Variants in NKAIN3 observed in about 807,000 individuals in gnomAD.
NKAIN3 encodes the protein sodium/potassium transporting ATPase interacting 3, also known as sodium/potassium-transporting ATPase subunit beta-1-interacting protein 3.
A neutral mutation model predicts 30.2 loss-of-function variants in NKAIN3; 25 were observed. The ratio of observed to expected loss-of-function variants is 0.83; its 90% CI spans 0.60 to 1.16. The LOEUF (loss-of-function observed/expected upper bound fraction) is 1.16, where lower values mean the gene tolerates loss of function less well. Ranked by LOEUF, NKAIN3 falls within the 50% of genes most tolerant of loss-of-function variation. NKAIN3 has a pLI of 0.00. For synonymous variants in NKAIN3, 91 were observed against 89.6 expected, an observed-to-expected ratio of 1.02 and a Z score of -0.09; for missense variants, 225 against 254.1, an observed-to-expected ratio of 0.89 and a Z score of 0.78.
At chr8:62,671,000 A>G (rs1371524211) in intron 3 of NKAIN3, among the ~76,000 whole-genome samples, 2 of 152,158 alleles carry the variant, frequency 1.3e-5, no homozygotes, top group African/African-American at 4.8e-5. Context: ...GTGTGAAAAA[A>G]TAGTGGCATG....
intron 4 of NKAIN3, among the ~76,000 whole-genome samples, chr8:62,874,722 A>T (rs1820743120): frequency 6.6e-6 from 1 of 152,216 alleles, no homozygotes; most frequent in Admixed American, 6.5e-5. Context: ...AAACCACATG[A>T]TTATCTCAAT....
chr8:62,603,845 T>G (rs558663603), intron 3 of NKAIN3, among the ~76,000 whole-genome samples: 1 of 152,166 alleles, frequency 6.6e-6, no homozygotes, highest in Non-Finnish European at 1.5e-5. Context: ...GAAGATTAAA[T>G]CAAATATATG....
intron 1 of NKAIN3, among the ~76,000 whole-genome samples, chr8:62,410,400 A>T (rs183305771): frequency 8.4e-4 from 128 of 152,308 alleles, no homozygotes; most frequent in African/African-American, 2.8e-3. Context: ...TGCTATTGTG[A>T]ATAACAAGGC....
At chr8:62,817,095 G>T (rs1393403138) in intron 4 of NKAIN3, among the ~76,000 whole-genome samples, 1 of 152,152 alleles carries the variant, frequency 6.6e-6, no homozygotes, top group African/African-American at 2.4e-5. Flanking sequence ...CTGTGCCTCA[G>T]AGGGTCTTTG....
intron 4 of NKAIN3, among the ~76,000 whole-genome samples, chr8:62,884,722 C>T (rs1240223359): frequency 6.6e-6 from 1 of 151,928 alleles, no homozygotes; most frequent in Non-Finnish European, 1.5e-5. Flanking sequence ...TTTTGGCAGA[C>T]ATGTCTTTCA....
At chr8:62,727,334 T>C (rs1180280230) in intron 3 of NKAIN3, among the ~76,000 whole-genome samples, 2 of 152,112 alleles carry the variant, frequency 1.3e-5, no homozygotes, top group African/African-American at 4.8e-5. Flanking sequence ...ACCATCATAC[T>C]GGATGTTCTC....
chr8:62,483,640 T>C lies in NKAIN3; in HGVS notation c.55-95899T>C, dbSNP rs144029751. On this transcript the variant is annotated intron_variant, in intron 1 of 6. Coordinates refer to ENST00000623646, the MANE Select transcript of NKAIN3 (RefSeq NM_001304533.3). Reference sequence around the variant, plus strand: ...ATGATTTGAATGGGTAATCTTCTCATAGGTTGATTTTGATTCTGAAGGCCG... The same window carrying C: ...ATGATTTGAATGGGTAATCTTCTCACAGGTTGATTTTGATTCTGAAGGCCG... The C allele has an allele frequency of 3.7e-3, 736 of 196,826 alleles. 5 individuals are homozygous for C. The highest frequency in any genetic ancestry group is 0.017 in the African/African-American group (691 of 41,852). The allele number at this position is 196,826 out of a possible 1,614,324, so 12.2% of individuals were successfully genotyped here.
chr8:62,348,637 C>A lies in NKAIN3; in HGVS notation c.54+99510C>A, dbSNP rs148470687. 3.7e-3 allele frequency among the ~76,000 whole-genome samples: 567 copies of A among 152,226 alleles called. 5 individuals carry two copies. The highest frequency in any genetic ancestry group is 0.013 in the African/African-American group (535 of 41,548). ...CTATTAGCAGAAGCTCTCCACTGAGCAGTTCTCATCTGGAGTAATTTGGCT... is the reference window on the plus strand; with the variant it reads ...CTATTAGCAGAAGCTCTCCACTGAGAAGTTCTCATCTGGAGTAATTTGGCT... On this transcript the variant is annotated intron_variant, in intron 1 of 6. Transcript: ENST00000623646.
chr8:62,996,445 T>TG (rs1157244298), intron 5 of NKAIN3, among the ~76,000 whole-genome samples: 1 of 152,054 alleles, frequency 6.6e-6, no homozygotes, highest in Non-Finnish European at 1.5e-5. Context: ...GAGATTTAGG[T>TG]GGGGACACAG....
chr8:62,590,601 T>A (rs978630131), intron 3 of NKAIN3, among the ~76,000 whole-genome samples: 1 of 151,928 alleles, frequency 6.6e-6, no homozygotes, highest in African/African-American at 2.4e-5. Flanking sequence ...ATATTTATAC[T>A]AACTTATTCT....
At chr8:62,329,458 T>C (rs992945721) in intron 1 of NKAIN3, among the ~76,000 whole-genome samples, 2 of 152,138 alleles carry the variant, frequency 1.3e-5, no homozygotes, top group Non-Finnish European at 2.9e-5. Flanking sequence ...GGAAGAATCG[T>C]ACCCAACAGG....
chr8:62,462,991 C>A (rs945448899), intron 1 of NKAIN3, among the ~76,000 whole-genome samples: 1 of 152,182 alleles, frequency 6.6e-6, no homozygotes, highest in African/African-American at 2.4e-5. Context: ...TGCTTTCTCC[C>A]AGCTATTTGT....
At chr8:62,595,815 T>C (rs1360927003) in intron 3 of NKAIN3, among the ~76,000 whole-genome samples, 1 of 151,940 alleles carries the variant, frequency 6.6e-6, no homozygotes, top group Non-Finnish European at 1.5e-5. Context: ...TCGATGTCAT[T>C]AACATCGGAG....
chr8:62,729,168 C>G (rs1238712995), intron 3 of NKAIN3, among the ~76,000 whole-genome samples: 1 of 151,572 alleles, frequency 6.6e-6, no homozygotes, highest in Non-Finnish European at 1.5e-5. Context: ...ACAATGTACT[C>G]TGAACAATAA....
chr8:62,857,925 T>A (rs1820110688), intron 4 of NKAIN3, among the ~76,000 whole-genome samples: 1 of 152,180 alleles, frequency 6.6e-6, no homozygotes, highest in Non-Finnish European at 1.5e-5. Context: ...GCACTCTGGT[T>A]TTTTGAGTTT....
intron 1 of NKAIN3, among the ~76,000 whole-genome samples, chr8:62,365,348 C>G (rs1816703671): frequency 8.2e-6 from 1 of 121,590 alleles, no homozygotes; most frequent in Non-Finnish European, 1.7e-5. Context: ...TAGTTATAGA[C>G]TCATAAACAA....
At chr8:62,804,936 A>G (rs147477407) in intron 4 of NKAIN3, among the ~76,000 whole-genome samples, 14,059 of 152,258 alleles carry the variant, frequency 0.092, 677 homozygotes, top group African/African-American at 0.1. Flanking sequence ...TTAAACTGAT[A>G]AGCAGCTTCA....
At chr8:62,890,755 C>T (rs1165711662) in intron 4 of NKAIN3, among the ~76,000 whole-genome samples, 2 of 152,220 alleles carry the variant, frequency 1.3e-5, no homozygotes, top group African/African-American at 4.8e-5. Context: ...TCTCTGCAGG[C>T]TTGCCTGTCT....
intron 3 of NKAIN3, among the ~76,000 whole-genome samples, chr8:62,637,876 T>C (rs1273042010): frequency 2.0e-5 from 3 of 152,100 alleles, no homozygotes; most frequent in Admixed American, 6.5e-5. Flanking sequence ...CAACCTATTT[T>C]ATGTTGACCC....
Sources: allele counts gnomAD v4.1 joint callset (sites outside exome capture counted in the v4.1 genomes callset), GRCh38; gene constraint gnomAD v4.1.1; transcripts MANE v1.5; gene names NCBI Gene and HGNC (gene_info 2026-07-23, HGNC 2026-07-21).